RTEL1: variants seen among roughly 807,000 people sequenced by gnomAD.
RTEL1 encodes the protein regulator of telomere length.
Under a neutral mutation model 162.2 loss-of-function variants are expected in RTEL1, and 86 were observed. The ratio of observed to expected loss-of-function variants is 0.53; its 90% confidence interval spans 0.45 to 0.63. RTEL1 has a LOEUF of 0.63. Ranked by LOEUF, RTEL1 falls within the 30% of genes least tolerant of loss-of-function variation. RTEL1 has a pLI of 0.00. For missense variants in RTEL1, 1,941 were observed against 1,750.2 expected (o/e 1.11, Z -1.95); for synonymous variants, 958 against 717.9 (o/e 1.33, Z -5.35).
At chr20:63,659,891 C>T (rs1348515821) in intron 2 of RTEL1, among the ~76,000 whole-genome samples, 1 of 152,220 alleles carries the variant, frequency 6.6e-6, no homozygotes, top group African/African-American at 2.4e-5. Context: ...ACTATCTCAG[C>T]AAGAGGAATG....
chr20:63,693,672 A>ACCT (rs2145462623), intron 30 of RTEL1, among the ~76,000 whole-genome samples: 1 of 17,334 alleles, frequency 5.8e-5, no homozygotes, highest in African/African-American at 2.6e-4. Context: ...CTCCACCACC[A>ACCT]CCACCACCAC....
intron 28 of RTEL1, 44 bp downstream of exon 28, chr20:63,691,881 G>C (rs376300198): frequency 1.3e-6 from 2 of 1,522,700 alleles, no homozygotes; most frequent in East Asian, 2.3e-5. Flanking sequence ...CCATAGACAC[G>C]CATGGGAACG....
Position 63,662,582 on chromosome 20 carries a change from G to A in RTEL1, c.432G>A (p.Leu144=). Residue 144 remains leucine, a synonymous_variant, in exon 5 of 35, where the codon CTG becomes CTA. Transcript: ENST00000360203. ...KVCVLGSREQ[L]CIHPEVKKQE... ...GTGTGCTGGGCTCCCGGGAGCAGCT[G>A]TGCATCCATCCTGAGGTGAAGAAAC... 1 of 1,614,050 alleles carries A rather than the reference G, an allele frequency of 6.2e-7. No individual in the cohort carries two copies. The highest frequency in any genetic ancestry group is 8.5e-7 in the Non-Finnish European group (1 of 1,180,028).
At chr20:63,691,637 G>C in intron 27 of RTEL1, 105 bp from the exon 28 acceptor site, 1 of 958,826 alleles carries the variant, frequency 1.0e-6, no homozygotes. Context: ...CCTCCATCTT[G>C]GCTCAGGGCT....
intron 14 of RTEL1, chr20:63,682,581 T>TTC: frequency 1.0e-6 from 1 of 985,980 alleles, no homozygotes; most frequent in Non-Finnish European, 1.2e-6. Flanking sequence ...ATGACTCAGC[T>TTC]TCTGCCAGCC....
In RTEL1 at chr20:63,687,731, C is replaced by T. The variant is rs773057452; in HGVS notation, c.1442C>T (p.Thr481Met). ...GVRSLILTSG[T>M]LAPVSSFALE... The stretch of plus-strand genomic sequence containing the variant: ...CGCTCCCTCATCCTTACCAGCGGCA[C>T]GCTGGCCCCGGTGTCCTCCTTTGCT... Residue 481 changes from threonine (T) to methionine (M), a missense_variant, in exon 17 of 35, where the codon ACG (threonine) becomes ATG (methionine). By Grantham distance (81) the Thr-to-Met change is moderately conservative. Coordinates refer to ENST00000360203, the MANE Select transcript of RTEL1 (RefSeq NM_001283009.2). The T allele has an allele frequency of 3.1e-6, 5 of 1,591,648 alleles. No individual in the cohort carries two copies. The highest frequency in any genetic ancestry group is 3.4e-6 in the Non-Finnish European group (4 of 1,170,660).
intron 7 of RTEL1, among the ~76,000 whole-genome samples, chr20:63,666,941 G>A (rs949702562): frequency 1.3e-5 from 2 of 148,394 alleles, no homozygotes; most frequent in East Asian, 2.0e-4. Context: ...CCGAGTTCAC[G>A]CCATTCTCCT....
In RTEL1 at chr20:63,696,026, G is replaced by A. The variant is rs757178238; in HGVS notation, c.*168G>A. 7.2e-4 allele frequency: 474 copies of A among 659,218 alleles called. 1 individual carries two copies. Among genetic ancestry groups the A allele is most frequent in the Non-Finnish European group, 9.5e-4 (374 of 392,278 alleles). 40.8% of individuals were successfully genotyped at this position (659,218 alleles called of 1,614,324 possible). On this transcript the variant is annotated 3_prime_UTR_variant, in exon 35 of 35. Transcript: ENST00000360203. ...CATGGTTGGTCCCTGCGGTGGGACCGGATCTGGGCCTGCCTCTGAGAAGCC... is the reference window on the plus strand; with the variant it reads ...CATGGTTGGTCCCTGCGGTGGGACCAGATCTGGGCCTGCCTCTGAGAAGCC...
chr20:63,681,774 G>T lies in RTEL1; in HGVS notation c.1191+1055G>T, dbSNP rs536190667. 8 of 985,366 alleles carry T rather than the reference G, an allele frequency of 8.1e-6. No homozygotes were observed. The East Asian group carries it at 7.9e-4, about 98-fold the overall frequency. 61.0% of individuals were successfully genotyped at this position (985,366 alleles called of 1,614,324 possible). On this transcript the variant is annotated intron_variant, in intron 14 of 34. Transcript: ENST00000360203. The stretch of plus-strand genomic sequence containing the variant: ...TCCACTGTGGCCGTCTCTGTGGCCA[G>T]TGACGCCACAGCCTGTGTCTTCTCT...
chr20:63,695,386 A>T lies in RTEL1; in HGVS notation c.3558A>T (p.Arg1186Ser). ...KTQSKISSFL[R>S]QRPAGTVGAG... ...AGAGCAAGATCTCGTCCTTCCTTAG[A>T]CAGAGGCCAGCAGGGACTGTGGGGG... Residue 1186 changes from arginine (R) to serine (S), a missense_variant, in exon 34 of 35, where the codon AGA becomes AGT. Arg to Ser is a moderately radical substitution (Grantham distance 110). Transcript: ENST00000360203. 6.4e-7 allele frequency: 1 copy of T among 1,554,874 alleles called. No homozygotes were observed. Among genetic ancestry groups the T allele is most frequent in the South Asian group, 1.2e-5 (1 of 81,498 alleles).
intron 25 of RTEL1, 27 bp from the exon 26 acceptor site, chr20:63,690,267 G>C (rs781326189): frequency 1.2e-6 from 2 of 1,600,580 alleles, no homozygotes; most frequent in Admixed American, 3.4e-5. Context: ...GCCAGAAATG[G>C]GTCCACCCAC....
At chr20:63,673,774 A>G (rs1172169611) in intron 9 of RTEL1, among the ~76,000 whole-genome samples, 166 bp from the exon 10 acceptor site, 4 of 152,162 alleles carry the variant, frequency 2.6e-5, no homozygotes, top group Non-Finnish European at 5.9e-5. Flanking sequence ...TGTGGGCCAC[A>G]CAGTCATGTT....
chr20:63,689,916 C>T (rs751393043), intron 24 of RTEL1, 51 bp downstream of exon 24: 4 of 1,556,500 alleles, frequency 2.6e-6, no homozygotes, highest in Non-Finnish European at 2.6e-6. Context: ...GCCCACACCC[C>T]ACTGGGCCCC....
At chr20:63,677,911 C>G (rs1274309407) in intron 10 of RTEL1, among the ~76,000 whole-genome samples, 1 of 79,692 alleles carries the variant, frequency 1.3e-5, no homozygotes, top group Non-Finnish European at 2.4e-5. Context: ...GTGGATTTGG[C>G]CTGCACGGAT....
At chr20:63,674,861 A>T (rs2090317059) in intron 10 of RTEL1, among the ~76,000 whole-genome samples, 1 of 152,098 alleles carries the variant, frequency 6.6e-6, no homozygotes, top group African/African-American at 2.4e-5. Flanking sequence ...CATACGTGGA[A>T]AACGTGGAAA....
chr20:63,669,529 AT>A (rs1307080722), intron 8 of RTEL1, among the ~76,000 whole-genome samples: 4 of 152,212 alleles, frequency 2.6e-5, no homozygotes, highest in Non-Finnish European at 5.9e-5. Context: ...GACTTAAAAA[AT>A]TTTTTCAGCC....
rs759414555 is a variant in RTEL1, at chr20:63,688,297, C to T, written c.1637-4C>T. 6.2e-6 allele frequency: 10 copies of T among 1,612,028 alleles called. No homozygotes were observed. Among genetic ancestry groups the T allele is most frequent in the Non-Finnish European group, 8.5e-6 (10 of 1,179,866 alleles). On this transcript the variant is annotated splice_polypyrimidine_tract_variant and splice_region_variant and intron_variant, in intron 19 of 34. Coordinates refer to ENST00000360203, the MANE Select transcript of RTEL1 (RefSeq NM_001283009.2). ...TGCCTTGACCCCGGCCCCTGCACTTCCAGGCAACATCGCCCGCGTGGTGCC... is the reference window on the plus strand; with the variant it reads ...TGCCTTGACCCCGGCCCCTGCACTTTCAGGCAACATCGCCCGCGTGGTGCC...
chr20:63,667,592 CA>C, intron 8 of RTEL1, 39 bp downstream of exon 8: 2 of 1,518,252 alleles, frequency 1.3e-6, no homozygotes, highest in South Asian at 1.1e-5. Flanking sequence ...TCCTGATGTC[CA>C]GGGGTGTCCC....
At position 63,695,370 on chromosome 20, in the gene RTEL1, T is replaced by C. The variant is rs2090951989; in HGVS notation, c.3542T>C (p.Ile1181Thr). Residue 1181 changes from isoleucine to threonine, a missense_variant, in exon 34 of 35, where the codon ATC becomes ACC. Ile to Thr is a moderately conservative substitution (Grantham distance 89). Coordinates refer to ENST00000360203, the MANE Select transcript of RTEL1 (RefSeq NM_001283009.2). The stretch of plus-strand genomic sequence containing the variant: ...AAGACCGGGAAGACCCAGAGCAAGA[T>C]CTCGTCCTTCCTTAGACAGAGGCCA... The part of the protein sequence containing the change: ...SEKTGKTQSK[I>T]SSFLRQRPAG... 6.5e-7 allele frequency: 1 copy of C among 1,548,402 alleles called. No homozygotes were observed. Among genetic ancestry groups the C allele is most frequent in the Non-Finnish European group, 8.7e-7 (1 of 1,146,974 alleles).
Sources: gnomAD v4.1 joint callset for allele counts (sites outside exome capture counted in the v4.1 genomes callset) on GRCh38, gnomAD v4.1.1 for gene constraint, MANE v1.5 for transcripts, NCBI Gene and HGNC (gene_info 2026-07-23, HGNC 2026-07-21) for gene names.